FGF14: variants seen among roughly 807,000 people sequenced by gnomAD.
FGF14 encodes the protein fibroblast growth factor 14.
Under a neutral mutation model 25.5 loss-of-function variants are expected in FGF14, and 5 were observed. The observed-to-expected ratio is 0.20, with a 90% CI of 0.10 to 0.41. The LOEUF (loss-of-function observed/expected upper bound fraction) is 0.41, where lower values mean the gene tolerates loss of function less well. Ranked by LOEUF, FGF14 falls within the 10% of genes least tolerant of loss-of-function variation. The pLI, the probability that FGF14 is intolerant of heterozygous loss-of-function variation, is 1.00. For missense variants in FGF14, 222 were observed against 320.1 expected (o/e 0.69, Z 2.34); for synonymous variants, 138 against 118.3 (o/e 1.17, Z -1.08).
At chr13:102,061,868 T>C (rs1282874659) in intron 1 of FGF14, among the ~76,000 whole-genome samples, 1 of 152,184 alleles carries the variant, frequency 6.6e-6, no homozygotes, top group South Asian at 2.1e-4. Context: ...TCACTGCTGT[T>C]CACGTAACAT....
chr13:102,056,692 G>T (rs2042444355), intron 1 of FGF14, among the ~76,000 whole-genome samples: 1 of 151,272 alleles, frequency 6.6e-6, no homozygotes. Context: ...AATAGGTCTA[G>T]AAAGAACATG....
At chr13:101,774,454 C>T (rs1020423667) in intron 3 of FGF14, among the ~76,000 whole-genome samples, 43 of 152,100 alleles carry the variant, frequency 2.8e-4, no homozygotes, top group African/African-American at 1.0e-3. Flanking sequence ...TAATCTTGAA[C>T]CAATTCATCC....
chr13:102,041,084 A>G (rs2041709818), intron 1 of FGF14, among the ~76,000 whole-genome samples: 1 of 152,098 alleles, frequency 6.6e-6, no homozygotes, highest in African/African-American at 2.4e-5. Context: ...TAGTAGCTCC[A>G]GTCCCTCCTT....
rs545685935 is a variant in FGF14, at chr13:101,915,503, C to T, written c.193+950G>A. On this transcript the variant is annotated intron_variant, in intron 1 of 4. Transcript: ENST00000376143. Reference sequence around the variant, plus strand: ...ATGCCCATTTCCCCCACAGAACACACCACATGCTCGCAAAACAACCAGCCT... The same window carrying T: ...ATGCCCATTTCCCCCACAGAACACATCACATGCTCGCAAAACAACCAGCCT... Among the ~76,000 whole-genome samples the T allele has an allele frequency of 2.0e-5, 3 of 152,260 alleles. No individual in the cohort carries two copies. The South Asian group carries it at 6.2e-4, about 32-fold the overall frequency.
intron 3 of FGF14, among the ~76,000 whole-genome samples, chr13:101,819,056 A>G (rs2041982956): frequency 6.6e-6 from 1 of 152,180 alleles, no homozygotes; most frequent in Non-Finnish European, 1.5e-5. Flanking sequence ...CTTATTGAGC[A>G]TTTACTGTAT....
chr13:101,804,459 C>T (rs2041084956), intron 3 of FGF14, among the ~76,000 whole-genome samples: 1 of 152,104 alleles, frequency 6.6e-6, no homozygotes, highest in Non-Finnish European at 1.5e-5. Flanking sequence ...AAGATAGTCC[C>T]CCACACAAGA....
intron 1 of FGF14, among the ~76,000 whole-genome samples, chr13:102,324,761 AGTTT>A (rs923178394): frequency 6.6e-6 from 1 of 152,190 alleles, no homozygotes. Flanking sequence ...GCCCATTTAT[AGTTT>A]GTTTTTCTCT....
intron 1 of FGF14, among the ~76,000 whole-genome samples, chr13:102,183,536 T>C (rs1443033816): frequency 6.6e-6 from 1 of 152,194 alleles, no homozygotes; most frequent in African/African-American, 2.4e-5. Flanking sequence ...TAACAAATAG[T>C]TGTCAAGTGT....
rs1358026187 is a variant in FGF14 at position 101,720,800 on chromosome 13, A to AT, written c.*2030dup. On this transcript the variant is annotated 3_prime_UTR_variant, in exon 5 of 5. Coordinates refer to ENST00000376143, the MANE Select transcript of FGF14 (RefSeq NM_004115.4). ...CAAATCAAAAATGACCAAAGGAATC[A>AT]TTTTGTTTGTTAGATTTGTAATTTA... 9.9e-5 allele frequency: 15 copies of AT among 152,124 alleles called. No individual in the cohort carries two copies. Among genetic ancestry groups the AT allele is most frequent in the Admixed American group, 5.2e-4 (8 of 15,264 alleles). The allele number at this position is 152,124 out of a possible 1,614,324, so 9.4% of individuals were successfully genotyped here.
intron 3 of FGF14, among the ~76,000 whole-genome samples, chr13:101,834,721 GTACT>G (rs1289857328): frequency 2.0e-5 from 3 of 151,928 alleles, no homozygotes; most frequent in African/African-American, 7.2e-5. Context: ...ATTGGTGAAG[GTACT>G]TAGTCACTCA....
chr13:101,759,964 G>A (rs4238230), intron 3 of FGF14, among the ~76,000 whole-genome samples: 31,318 of 151,940 alleles, frequency 0.21, 3,534 homozygotes, highest in East Asian at 0.49. Flanking sequence ...ACTCCTAAGA[G>A]GAAAAAGGAT....
At chr13:102,343,289 A>G (rs951706467) in intron 1 of FGF14, among the ~76,000 whole-genome samples, 6 of 152,200 alleles carry the variant, frequency 3.9e-5, no homozygotes, top group African/African-American at 1.4e-4. Context: ...GTAAAGGCAG[A>G]TTATTGGTGC....
Position 102,330,806 on chromosome 13 carries a change from A to G in FGF14, c.208+70665T>C, listed in dbSNP as rs77288638. ...TCCGTTACCATGTGACGTTCCATGC[A>G]TGTATTTATTTCTTCACTATCTGTC... On this transcript the variant is annotated intron_variant, in intron 1 of 4. Transcript: ENST00000376131. Among the ~76,000 whole-genome samples the G allele has an allele frequency of 4.5e-3, 690 of 152,248 alleles. 9 individuals carry two copies. The highest frequency in any genetic ancestry group is 0.016 in the African/African-American group (650 of 41,550).
chr13:102,149,893 T>C (rs1483895980), intron 1 of FGF14, among the ~76,000 whole-genome samples: 2 of 152,220 alleles, frequency 1.3e-5, no homozygotes, highest in African/African-American at 4.8e-5. Flanking sequence ...CACAGGCCCC[T>C]GTTCTAAAGC....
chr13:101,880,491 C>T (rs551280818), intron 1 of FGF14, among the ~76,000 whole-genome samples: 7 of 152,216 alleles, frequency 4.6e-5, no homozygotes, highest in African/African-American at 1.7e-4. Flanking sequence ...CGCTTGAACC[C>T]GGGAGGCAGA....
intron 1 of FGF14, among the ~76,000 whole-genome samples, chr13:102,024,734 T>A (rs2040838733): frequency 6.6e-6 from 1 of 151,980 alleles, no homozygotes; most frequent in Non-Finnish European, 1.5e-5. Context: ...AAGAGTTTTA[T>A]AGTTTAGGTC....
intron 1 of FGF14, among the ~76,000 whole-genome samples, chr13:102,181,374 C>T (rs1266567755): frequency 6.6e-6 from 1 of 152,072 alleles, no homozygotes; most frequent in Non-Finnish European, 1.5e-5. Context: ...TGGGTTGGAC[C>T]ATGTCCCCTA....
intron 1 of FGF14, among the ~76,000 whole-genome samples, chr13:101,937,450 G>C (rs1325553416): frequency 6.6e-6 from 1 of 152,210 alleles, no homozygotes; most frequent in Non-Finnish European, 1.5e-5. Flanking sequence ...TGCACACACA[G>C]AGATGAAACA....
At chr13:101,866,576 T>C (rs900250242) in intron 3 of FGF14, among the ~76,000 whole-genome samples, 1 of 145,416 alleles carries the variant, frequency 6.9e-6, no homozygotes, top group African/African-American at 2.6e-5. Context: ...ATCATCACTA[T>C]TGTTATTGTA....
Sources: allele counts gnomAD v4.1 joint callset (sites outside exome capture counted in the v4.1 genomes callset), GRCh38; gene constraint gnomAD v4.1.1; transcripts MANE v1.5; gene names NCBI Gene and HGNC (gene_info 2026-07-23, HGNC 2026-07-21).